The following BRINP3 variants were observed in gnomAD, a reference collection of about 807,000 sequenced individuals.
BRINP3 encodes the protein BMP/retinoic acid inducible neural specific 3, also known as BMP/retinoic acid-inducible neural-specific protein 3.
BRINP3 carries 19 observed loss-of-function variants against 71.0 expected under a neutral mutation model. That is an observed-to-expected ratio of 0.27 (90% CI 0.19 to 0.39). The LOEUF (loss-of-function observed/expected upper bound fraction) is 0.39, where lower values mean the gene tolerates loss of function less well. Among genes scored for constraint, BRINP3 ranks in the 10% least tolerant of loss-of-function variants. The pLI is 1.00. For synonymous variants in BRINP3, 380 were observed against 337.7 expected (o/e 1.13, Z -1.37); for missense variants, 959 against 940.8 (o/e 1.02, Z -0.25).
chr1:190,140,755 T>C (rs1655366430), intron 7 of BRINP3, among the ~76,000 whole-genome samples: 1 of 152,162 alleles, frequency 6.6e-6, no homozygotes, highest in Non-Finnish European at 1.5e-5. Flanking sequence ...ATACCAAAAT[T>C]AGCATTCCAT....
intron 2 of BRINP3, among the ~76,000 whole-genome samples, chr1:190,432,950 T>A (rs1478031571): frequency 2.0e-5 from 3 of 152,196 alleles, no homozygotes; most frequent in African/African-American, 7.2e-5. Context: ...AATACATAGT[T>A]TATAAGATGT....
At chr1:190,299,957 A>T (rs1664548958) in intron 2 of BRINP3, among the ~76,000 whole-genome samples, 1 of 151,742 alleles carries the variant, frequency 6.6e-6, no homozygotes, top group Non-Finnish European at 1.5e-5. Context: ...GGTTAACCTG[A>T]CCCTTCTCTC....
chr1:190,197,484 T>C (rs1654591793), intron 6 of BRINP3, among the ~76,000 whole-genome samples: 1 of 152,168 alleles, frequency 6.6e-6, no homozygotes. Flanking sequence ...GTTAGTTACT[T>C]CTTAGATACA....
chr1:190,131,590 T>C (rs1654550393), intron 7 of BRINP3, among the ~76,000 whole-genome samples: 1 of 152,098 alleles, frequency 6.6e-6, no homozygotes, highest in Non-Finnish European at 1.5e-5. Flanking sequence ...TTGTCATCTG[T>C]AGTCTAATGT....
intron 6 of BRINP3, among the ~76,000 whole-genome samples, chr1:190,224,258 A>G (rs1001193696): frequency 6.6e-6 from 1 of 152,010 alleles, no homozygotes; most frequent in Admixed American, 6.6e-5. Context: ...AGCTATCACA[A>G]TCAAAACAGC....
At chr1:190,360,875 T>G (rs1345305392) in intron 2 of BRINP3, among the ~76,000 whole-genome samples, 1 of 151,966 alleles carries the variant, frequency 6.6e-6, no homozygotes, top group African/African-American at 2.4e-5. Context: ...CATTATAATT[T>G]AATGTGGCAA....
intron 7 of BRINP3, among the ~76,000 whole-genome samples, chr1:190,132,731 C>T (rs10920593): frequency 0.018 from 2,798 of 152,134 alleles, 104 homozygotes; most frequent in African/African-American, 0.064. Context: ...TTCCTTCCAT[C>T]AAGAAGTGGG....
intron 2 of BRINP3, among the ~76,000 whole-genome samples, chr1:190,317,821 G>A (rs1028513554): frequency 6.6e-6 from 1 of 151,998 alleles, no homozygotes; most frequent in African/African-American, 2.4e-5. Flanking sequence ...ATCTCTACTA[G>A]TTTGAATGAG....
intron 6 of BRINP3, among the ~76,000 whole-genome samples, chr1:190,224,366 A>T (rs976929794): frequency 6.6e-6 from 1 of 151,588 alleles, no homozygotes; most frequent in Non-Finnish European, 1.5e-5. Flanking sequence ...TTTGACAAAG[A>T]CTACACATAC....
At chr1:190,214,675 C>T (rs139716061) in intron 6 of BRINP3, among the ~76,000 whole-genome samples, 16 of 152,064 alleles carry the variant, frequency 1.1e-4, no homozygotes, top group African/African-American at 3.6e-4. Flanking sequence ...ATCGTGATCA[C>T]TTTTGCCTTT....
At chr1:190,203,441 A>ATG (rs1219429142) in intron 6 of BRINP3, among the ~76,000 whole-genome samples, 10 of 143,034 alleles carry the variant, frequency 7.0e-5, no homozygotes, top group African/African-American at 2.4e-4. Flanking sequence ...ATATATATGT[A>ATG]TGTGTGTGTG....
At chr1:190,471,468 A>C (rs1309819013) in intron 1 of BRINP3, among the ~76,000 whole-genome samples, 2 of 151,366 alleles carry the variant, frequency 1.3e-5, no homozygotes, top group Non-Finnish European at 3.0e-5. Context: ...AAAATAATAA[A>C]GTTATACAGA....
chr1:190,219,884 A>G (rs1024038626), intron 6 of BRINP3, among the ~76,000 whole-genome samples: 1 of 151,392 alleles, frequency 6.6e-6, no homozygotes, highest in Admixed American at 6.6e-5. Flanking sequence ...AAAAAGGGAA[A>G]TACACAGTCA....
At chr1:190,475,739 C>T (rs1292079166) in intron 1 of BRINP3, 4 of 152,230 alleles carry the variant, frequency 2.6e-5, no homozygotes, top group Non-Finnish European at 4.4e-5. Context: ...TTCCCTTTCA[C>T]ACGCTTGAGC....
chr1:190,273,926 A>G (rs1662332832), intron 3 of BRINP3, among the ~76,000 whole-genome samples: 1 of 151,652 alleles, frequency 6.6e-6, no homozygotes, highest in South Asian at 2.1e-4. Context: ...AAACATGCAT[A>G]CATAGTTTCA....
rs567684954 is a variant in BRINP3 at position 190,413,039 on chromosome 1, C to T, written c.236+41616G>A. On this transcript the variant is annotated intron_variant, in intron 2 of 7. Coordinates refer to ENST00000367462, the MANE Select transcript of BRINP3 (RefSeq NM_199051.3). ...TAAAAATCTCTTTATGTCAGCACAC[C>T]GCTGAATGTGCAGTAATAACTTTTT... Among the ~76,000 whole-genome samples the T allele has an allele frequency of 1.9e-3, 292 of 152,164 alleles. 1 individual carries two copies. Among genetic ancestry groups the T allele is most frequent in the African/African-American group, 6.8e-3 (281 of 41,518 alleles).
intron 7 of BRINP3, among the ~76,000 whole-genome samples, chr1:190,106,299 CAT>C (rs577461043): frequency 4.3e-4 from 65 of 151,624 alleles, no homozygotes; most frequent in African/African-American, 1.3e-3. Context: ...ATATATATAA[CAT>C]ATGTTTATTT....
rs563647515 is a variant in BRINP3, at chr1:190,232,309, T to C, written c.724+2063A>G. 2.6e-5 allele frequency among the ~76,000 whole-genome samples: 4 copies of C among 152,008 alleles called. No homozygotes were observed. In the South Asian group the frequency reaches 6.2e-4, roughly 24 times the overall value. On this transcript the variant is annotated intron_variant, in intron 5 of 7. Transcript: ENST00000367462. ...TTCAAAGGAATGCACCATGGTAACA[T>C]TGATCCAGAATTAACAAATTGTTCC...
chr1:190,305,342 G>C (rs998949104), intron 2 of BRINP3, among the ~76,000 whole-genome samples: 5 of 151,604 alleles, frequency 3.3e-5, no homozygotes, highest in Admixed American at 1.3e-4. Context: ...CCAAGATATG[G>C]AATCAATCCA....
Sources: gnomAD v4.1 joint callset for allele counts (sites outside exome capture counted in the v4.1 genomes callset) on GRCh38, gnomAD v4.1.1 for gene constraint, MANE v1.5 for transcripts, NCBI Gene and HGNC (gene_info 2026-07-23, HGNC 2026-07-21) for gene names.